PDE11A: variants seen among roughly 807,000 people sequenced by gnomAD.
PDE11A encodes dual 3',5'-cyclic-AMP and -GMP phosphodiesterase 11A.
PDE11A carries 100 observed loss-of-function variants against 100.5 expected under a neutral mutation model. The ratio of observed to expected loss-of-function variants is 1.00; its 90% CI spans 0.85 to 1.18. The LOEUF is 1.18. Ranked by LOEUF, PDE11A falls within the 50% of genes most tolerant of loss-of-function variation. The pLI, the probability that PDE11A is intolerant of heterozygous loss-of-function variation, is 0.00. For synonymous variants in PDE11A, 381 were observed against 420.8 expected (o/e 0.91, Z 1.16); for missense variants, 1,141 against 1,152.6 (o/e 0.99, Z 0.15).
chr2:177,682,642 G>A (rs1428398169), intron 15 of PDE11A, among the ~76,000 whole-genome samples: 1 of 152,220 alleles, frequency 6.6e-6, no homozygotes, highest in African/African-American at 2.4e-5. Flanking sequence ...ACTTGCTAAT[G>A]AGAGAATATT....
chr2:177,919,958 A>G (rs535932205), intron 2 of PDE11A, among the ~76,000 whole-genome samples: 9 of 152,188 alleles, frequency 5.9e-5, no homozygotes, highest in South Asian at 2.1e-4. Context: ...AGAACAAAAT[A>G]CATAAAATAA....
chr2:177,845,221 C>T (rs1273142905), intron 5 of PDE11A, among the ~76,000 whole-genome samples: 8 of 152,052 alleles, frequency 5.3e-5, no homozygotes, highest in African/African-American at 1.9e-4. Context: ...GGAGACGCTC[C>T]TCACTTCCCA....
chr2:177,756,033 T>C (rs7585543), intron 10 of PDE11A, among the ~76,000 whole-genome samples: 21,550 of 152,244 alleles, frequency 0.14, 1,592 homozygotes, highest in African/African-American at 0.17. Flanking sequence ...TGGGAAGACT[T>C]TGGGCTTTTA....
At chr2:177,757,273 A>G (rs1179335061) in intron 10 of PDE11A, among the ~76,000 whole-genome samples, 1 of 152,202 alleles carries the variant, frequency 6.6e-6, no homozygotes, top group African/African-American at 2.4e-5. Flanking sequence ...CTGAGCATAT[A>G]CTGGGGCCCA....
intron 2 of PDE11A, among the ~76,000 whole-genome samples, chr2:178,100,500 C>G (rs547491186): frequency 6.6e-6 from 1 of 152,150 alleles, no homozygotes; most frequent in African/African-American, 2.4e-5. Flanking sequence ...TTATTGAAGT[C>G]TGTTTTTAGC....
intron 1 of PDE11A, among the ~76,000 whole-genome samples, chr2:178,032,001 TAGAG>T (rs1465134472): frequency 1.3e-5 from 2 of 152,004 alleles, no homozygotes; most frequent in Non-Finnish European, 1.5e-5. Context: ...AACAGAATAA[TAGAG>T]AGCCTAGTAA....
chr2:177,730,933 C>CA (rs1354164295), intron 10 of PDE11A, among the ~76,000 whole-genome samples: 1 of 152,076 alleles, frequency 6.6e-6, no homozygotes, highest in Non-Finnish European at 1.5e-5. Context: ...ACTTATTAAA[C>CA]AATTCCCCAT....
At chr2:178,000,524 T>G (rs781288792) in intron 2 of PDE11A, among the ~76,000 whole-genome samples, 2 of 152,226 alleles carry the variant, frequency 1.3e-5, no homozygotes, top group Non-Finnish European at 2.9e-5. Context: ...AAAATTAGAC[T>G]AATCCTCACC....
intron 19 of PDE11A, among the ~76,000 whole-genome samples, chr2:177,640,574 GT>G (rs2105446402): frequency 6.6e-6 from 1 of 152,334 alleles, no homozygotes; most frequent in African/African-American, 2.4e-5. Context: ...CAGAGCCTAA[GT>G]TATAAATTAG....
At chr2:178,039,057 A>G (rs2086652194) in intron 1 of PDE11A, 1 of 152,190 alleles carries the variant, frequency 6.6e-6, no homozygotes, top group Non-Finnish European at 1.5e-5. Context: ...ATTCTACCAT[A>G]AAGGCATGCA....
At chr2:177,694,529 T>C (rs1042630941) in intron 15 of PDE11A, among the ~76,000 whole-genome samples, 4 of 152,232 alleles carry the variant, frequency 2.6e-5, no homozygotes, top group Admixed American at 1.3e-4. Flanking sequence ...GATGTCACCA[T>C]TTCTAAGACA....
chr2:178,100,309 A>G (rs2087546839), intron 2 of PDE11A, among the ~76,000 whole-genome samples: 1 of 152,238 alleles, frequency 6.6e-6, no homozygotes, highest in Admixed American at 6.5e-5. Context: ...GTAAAACTAT[A>G]TTCTATACAA....
chr2:177,949,312 A>G (rs1385400489), intron 2 of PDE11A, among the ~76,000 whole-genome samples: 7 of 152,186 alleles, frequency 4.6e-5, no homozygotes, highest in Admixed American at 1.3e-4. Flanking sequence ...AGCAACATGT[A>G]CTCATTACAA....
At chr2:177,893,516 T>G (rs1450343400) in intron 4 of PDE11A, among the ~76,000 whole-genome samples, 2 of 152,224 alleles carry the variant, frequency 1.3e-5, no homozygotes, top group African/African-American at 4.8e-5. Flanking sequence ...ATTCCTCCCC[T>G]GAAGTAACAT....
At chr2:178,041,026 A>G (rs1006958200) in intron 1 of PDE11A, among the ~76,000 whole-genome samples, 8 of 151,850 alleles carry the variant, frequency 5.3e-5, no homozygotes, top group African/African-American at 1.9e-4. Flanking sequence ...TGCAAAATTG[A>G]TCTCCCAGGC....
chr2:177,659,033 T>C (rs11890088), intron 19 of PDE11A, among the ~76,000 whole-genome samples: 43,215 of 151,836 alleles, frequency 0.28, 9,876 homozygotes, highest in African/African-American at 0.63. Flanking sequence ...CTGAGGCCTG[T>C]GGATCACTTG....
chr2:177,884,614 G>A (rs1418214177), intron 4 of PDE11A, among the ~76,000 whole-genome samples: 1 of 152,214 alleles, frequency 6.6e-6, no homozygotes, highest in Non-Finnish European at 1.5e-5. Context: ...AGAAGCAGAA[G>A]TGATGGGCCT....
chr2:178,091,670 C>T (rs746772686), intron 2 of PDE11A, among the ~76,000 whole-genome samples: 1 of 152,164 alleles, frequency 6.6e-6, no homozygotes, highest in Non-Finnish European at 1.5e-5. Flanking sequence ...CAGGACTGCA[C>T]AGCTGTTGCA....
intron 5 of PDE11A, among the ~76,000 whole-genome samples, chr2:177,862,006 A>T (rs2083952595): frequency 6.6e-6 from 1 of 151,904 alleles, no homozygotes; most frequent in East Asian, 1.9e-4. Context: ...CGCTTAGATT[A>T]AACAATCACT....
Sources: allele counts gnomAD v4.1 joint callset (sites outside exome capture counted in the v4.1 genomes callset), GRCh38; gene constraint gnomAD v4.1.1; transcripts MANE v1.5; gene names NCBI Gene and HGNC (gene_info 2026-07-23, HGNC 2026-07-21).